The following EFL1 variants were observed in gnomAD, a reference collection of about 807,000 sequenced individuals.
EFL1 encodes elongation factor-like GTPase 1.
EFL1 carries 76 observed loss-of-function variants against 126.7 expected under a neutral mutation model. The ratio of observed to expected loss-of-function variants is 0.60; its 90% CI spans 0.50 to 0.73. EFL1 has a LOEUF of 0.73. EFL1 is among the 30% of genes least tolerant of loss of function. EFL1 has a pLI of 0.00. For synonymous variants in EFL1, 410 were observed against 448.4 expected (o/e 0.91, Z 1.08); for missense variants, 1,128 against 1,343.2 (o/e 0.84, Z 2.50).
Position 82,189,931 on chromosome 15 carries a change from C to T in EFL1, c.1750+24786G>A, listed in dbSNP as rs113531737. Among the ~76,000 whole-genome samples, 1,309 of 152,052 alleles carry T rather than the reference C, an allele frequency of 8.6e-3. 13 individuals are homozygous for T. The highest frequency in any genetic ancestry group is 0.03 in the African/African-American group (1,243 of 41,444). On this transcript the variant is annotated intron_variant, in intron 15 of 19. Coordinates refer to ENST00000268206, the MANE Select transcript of EFL1 (RefSeq NM_024580.6). Reference sequence around the variant, plus strand: ...AGGAGTTTGAGACCAGCCTGGCCAACATGGTGAAACCCCGTCTCTACTAAA... The same window carrying T: ...AGGAGTTTGAGACCAGCCTGGCCAATATGGTGAAACCCCGTCTCTACTAAA...
intron 16 of EFL1, among the ~76,000 whole-genome samples, chr15:82,161,749 T>C (rs2074026026): frequency 6.6e-6 from 1 of 152,210 alleles, no homozygotes; most frequent in African/African-American, 2.4e-5. Context: ...TCCTGAATAA[T>C]TCCATTTATT....
chr15:82,202,337 T>C (rs992954396), intron 15 of EFL1, among the ~76,000 whole-genome samples: 3 of 152,188 alleles, frequency 2.0e-5, no homozygotes, highest in African/African-American at 7.2e-5. Flanking sequence ...TTTAAATAAA[T>C]GACATTTTTT....
At chr15:82,132,693 G>A (rs112995593) in intron 19 of EFL1, among the ~76,000 whole-genome samples, 1 of 72,876 alleles carries the variant, frequency 1.4e-5, no homozygotes, top group Non-Finnish European at 2.8e-5. Flanking sequence ...GGGGGGGGGG[G>A]GGGTAGGCAG....
At chr15:82,171,244 T>C (rs530926145) in intron 15 of EFL1, among the ~76,000 whole-genome samples, 158 of 152,350 alleles carry the variant, frequency 1.0e-3, no homozygotes, top group African/African-American at 3.6e-3. Flanking sequence ...GAGCTATTTC[T>C]GTTAGTCGTG....
At chr15:82,246,796 A>C (rs1388140467) in intron 4 of EFL1, among the ~76,000 whole-genome samples, 1 of 152,056 alleles carries the variant, frequency 6.6e-6, no homozygotes, top group Non-Finnish European at 1.5e-5. Context: ...GAAGGTAAGA[A>C]TGTCTGCTGA....
At chr15:82,156,381 G>A (rs1243884061) in intron 17 of EFL1, among the ~76,000 whole-genome samples, 1 of 152,108 alleles carries the variant, frequency 6.6e-6, no homozygotes, top group Non-Finnish European at 1.5e-5. Context: ...CTGCCTCCTG[G>A]GTCAAGCAAT....
intron 15 of EFL1, among the ~76,000 whole-genome samples, chr15:82,188,989 A>G (rs753037710): frequency 5.9e-5 from 9 of 151,756 alleles, no homozygotes; most frequent in Non-Finnish European, 1.3e-4. Context: ...AACAACAGGA[A>G]CACATTCTGA....
chr15:82,156,103 CT>C (rs1175712398), intron 17 of EFL1, among the ~76,000 whole-genome samples: 2 of 152,138 alleles, frequency 1.3e-5, no homozygotes, highest in Non-Finnish European at 2.9e-5. Context: ...TATTAAGAAG[CT>C]TTTTGCCACC....
At chr15:82,233,443 A>G (rs1021329455) in intron 7 of EFL1, among the ~76,000 whole-genome samples, 2 of 152,106 alleles carry the variant, frequency 1.3e-5, no homozygotes, top group Non-Finnish European at 2.9e-5. Flanking sequence ...CTGAATGACA[A>G]CTCAGTCAAG....
At chr15:82,169,403 C>G (rs1222830685) in intron 15 of EFL1, among the ~76,000 whole-genome samples, 1 of 151,788 alleles carries the variant, frequency 6.6e-6, no homozygotes, top group Non-Finnish European at 1.5e-5. Context: ...AAATTGGGAT[C>G]TTACAGAGAA....
chr15:82,205,883 C>T (rs1469359412), intron 15 of EFL1, among the ~76,000 whole-genome samples: 2 of 152,194 alleles, frequency 1.3e-5, no homozygotes, highest in Non-Finnish European at 2.9e-5. Context: ...ATAGTCATTG[C>T]CAGTTACTTC....
intron 2 of EFL1, among the ~76,000 whole-genome samples, chr15:82,260,022 A>C (rs1351996846): frequency 6.6e-6 from 1 of 152,168 alleles, no homozygotes; most frequent in Admixed American, 6.5e-5. Context: ...CTCCCTAGAA[A>C]ATAATTATCA....
At chr15:82,256,007 C>T (rs182698169) in intron 3 of EFL1, among the ~76,000 whole-genome samples, 45 of 152,298 alleles carry the variant, frequency 3.0e-4, no homozygotes, top group Middle Eastern at 6.8e-3. Context: ...GCTGAATCTA[C>T]AGATCAATAT....
In EFL1 at chr15:82,252,767, G is replaced by A; in HGVS notation, c.168C>T (p.Tyr56=). 1 of 1,586,910 alleles carries A rather than the reference G, an allele frequency of 6.3e-7. No homozygotes were observed. The highest frequency in any genetic ancestry group is 8.6e-7 in the Non-Finnish European group (1 of 1,156,502). Reference sequence around the variant, plus strand: ...TCTGTTCATCTTCTCTGCTGTCCATGTACCTTAACTGGAAAAATGCAACAT... The same window carrying A: ...TCTGTTCATCTTCTCTGCTGTCCATATACCTTAACTGGAAAAATGCAACAT... ...ISSRLAGKLR[Y]MDSREDEQIR... is the part of the protein sequence containing the mutation. The change falls in exon 4 of 20, where the codon TAC becomes TAT. Residue 56 remains tyrosine (Y), a synonymous_variant. Transcript: ENST00000268206.
intron 1 of EFL1, 26 bp from the exon 2 acceptor site, chr15:82,261,823 T>C: frequency 1.9e-6 from 3 of 1,578,854 alleles, no homozygotes; most frequent in Non-Finnish European, 2.6e-6. Context: ...GTATTACAAA[T>C]GGCCCAGAGG....
intron 15 of EFL1, among the ~76,000 whole-genome samples, chr15:82,199,300 T>A (rs1352524654): frequency 6.6e-6 from 1 of 152,042 alleles, no homozygotes; most frequent in East Asian, 1.9e-4. Context: ...AGCAGTTGGT[T>A]GCTCCAGAAG....
chr15:82,181,421 A>G (rs968179907), intron 15 of EFL1, among the ~76,000 whole-genome samples: 4 of 152,238 alleles, frequency 2.6e-5, no homozygotes, highest in Non-Finnish European at 5.9e-5. Flanking sequence ...ATCCTCAGTA[A>G]CAACAGAGAA....
rs1186679247 is a variant in EFL1 at position 82,240,434 on chromosome 15, T to C, written c.500A>G (p.Lys167Arg). ...FTPQEAYSHL[K>R]NILEQINALT... The stretch of plus-strand genomic sequence containing the variant: ...TTAAAATACCTGTTCTAAAATATTC[T>C]TGAGGTGAGAATAGGCCTCTTGTGG... The change falls in exon 6 of 20, where the codon AAG becomes AGG. Residue 167 changes from lysine to arginine, a missense_variant. Transcript: ENST00000268206. The C allele has an allele frequency of 3.7e-6, 6 of 1,604,650 alleles. 1 individual carries two copies. The highest frequency in any genetic ancestry group is 2.2e-5 in the East Asian group (1 of 44,562).
intron 15 of EFL1, among the ~76,000 whole-genome samples, chr15:82,173,790 A>G (rs2074161598): frequency 6.6e-6 from 1 of 152,210 alleles, no homozygotes. Context: ...ACGTCTGGAT[A>G]GTGGGGTTAA....
Sources: allele counts gnomAD v4.1 joint callset (sites outside exome capture counted in the v4.1 genomes callset), GRCh38; gene constraint gnomAD v4.1.1; transcripts MANE v1.5; gene names NCBI Gene and HGNC (gene_info 2026-07-23, HGNC 2026-07-21).